Variants in NAA25 observed in about 807,000 individuals in gnomAD.
NAA25 encodes the protein N-alpha-acetyltransferase 25, NatB auxiliary subunit.
A neutral mutation model predicts 132.5 loss-of-function variants in NAA25; 30 were observed. The observed-to-expected ratio is 0.23, with a 90% CI of 0.17 to 0.31. The LOEUF (loss-of-function observed/expected upper bound fraction) is 0.31. NAA25 is among the 10% of genes least tolerant of loss of function. The probability of loss-of-function intolerance (pLI) is 1.00; values close to 1 mark genes in which losing one functional copy is unlikely to be tolerated. For synonymous variants in NAA25, 359 were observed against 401.9 expected (o/e 0.89, Z 1.28); for missense variants, 771 against 1,150.4 (o/e 0.67, Z 4.77).
chr12:112,084,971 C>T (rs2079024225), intron 4 of NAA25, among the ~76,000 whole-genome samples: 2 of 152,042 alleles, frequency 1.3e-5, no homozygotes, highest in African/African-American at 4.8e-5. Flanking sequence ...GTGGCTCACG[C>T]CTGTAATCCC....
At chr12:112,082,719 A>G (rs1444951340) in intron 4 of NAA25, among the ~76,000 whole-genome samples, 1 of 145,084 alleles carries the variant, frequency 6.9e-6, no homozygotes, top group Non-Finnish European at 1.5e-5. Flanking sequence ...CATTATCATT[A>G]AAGCCCCTCC....
chr12:112,053,234 C>G (rs1455137277), intron 15 of NAA25, among the ~76,000 whole-genome samples: 2 of 152,158 alleles, frequency 1.3e-5, no homozygotes, highest in African/African-American at 4.8e-5. Context: ...AGGCTATGAA[C>G]GCTTATGGAC....
At position 112,078,718 on chromosome 12, in the gene NAA25, G is replaced by A; in HGVS notation, c.501C>T (p.Asn167=). 6.2e-7 allele frequency: 1 copy of A among 1,613,466 alleles called. No homozygotes were observed. The highest frequency in any genetic ancestry group is 1.3e-5 in the African/African-American group (1 of 74,972). The stretch of plus-strand genomic sequence containing the variant: ...GGGGCAGAAACATTGTTTTTGAGAG[G>A]TTTTCATCCTGTGCCGATATAGACT... ...IMQSISAQDE[N]LSKTMFLPLA... is the part of the protein sequence containing the mutation. Residue 167 remains asparagine (N), a synonymous_variant, in exon 6 of 24, where the codon AAC becomes AAT. Coordinates refer to ENST00000261745, the MANE Select transcript of NAA25 (RefSeq NM_024953.4).
At chr12:112,042,476 T>G (rs1334870802) in intron 19 of NAA25, among the ~76,000 whole-genome samples, 1 of 151,972 alleles carries the variant, frequency 6.6e-6, no homozygotes, top group Non-Finnish European at 1.5e-5. Context: ...AAAAGAAATC[T>G]CTTCTCTACA....
chr12:112,104,994 G>A (rs1048894744), intron 1 of NAA25, among the ~76,000 whole-genome samples: 5 of 151,678 alleles, frequency 3.3e-5, no homozygotes, highest in African/African-American at 1.2e-4. Flanking sequence ...TCCAGCCTGG[G>A]TGACAGAGCA....
In NAA25 at chr12:112,105,251, G is replaced by A. The variant is rs115735051; in HGVS notation, c.58+3465C>T. Among the ~76,000 whole-genome samples, 404 of 151,704 alleles carry A rather than the reference G, an allele frequency of 2.7e-3. 6 individuals carry two copies. Among genetic ancestry groups the A allele is most frequent in the African/African-American group, 9.6e-3 (395 of 41,354 alleles). ...GATGGATGACTTGAGCCTGGGAAGT[G>A]GAGGTTACAGTGAGCCAAGACACTC... is the stretch of plus-strand genomic sequence containing the variant. On this transcript the variant is annotated intron_variant, in intron 1 of 23. Transcript: ENST00000261745.
At chr12:112,090,937 G>T in intron 2 of NAA25, 73 bp from the exon 3 acceptor site, 1 of 1,420,528 alleles carries the variant, frequency 7.0e-7, no homozygotes, top group Non-Finnish European at 9.7e-7. Context: ...AAGCCGATCT[G>T]AAAGAACAAG....
At chr12:112,082,684 C>T (rs778190244) in intron 4 of NAA25, among the ~76,000 whole-genome samples, 1 of 149,828 alleles carries the variant, frequency 6.7e-6, no homozygotes, top group African/African-American at 2.5e-5. Context: ...CCTCTTCTTT[C>T]TTTAAGGGAA....
Position 112,054,919 on chromosome 12 carries a change from C to T in NAA25, c.1448-351G>A, listed in dbSNP as rs146819435. ...CAGCACCTTGCCCCTGCAGGATTTC[C>T]TCTATAAAACCCCAGACAGATGTTA... On this transcript the variant is annotated intron_variant, in intron 13 of 23. Transcript: ENST00000261745. Among the ~76,000 whole-genome samples, 533 of 152,282 alleles carry T rather than the reference C, an allele frequency of 3.5e-3. 6 individuals are homozygous for T. The highest frequency in any genetic ancestry group is 0.02 in the Middle Eastern group (6 of 294).
chr12:112,090,298 A>G (rs1028264725), intron 3 of NAA25: 8 of 153,792 alleles, frequency 5.2e-5, no homozygotes, highest in African/African-American at 1.9e-4. Flanking sequence ...CCTTTATTTC[A>G]GAAGAAACAA....
In NAA25 at chr12:112,029,468, T is replaced by C; in HGVS notation, c.*63A>G. On this transcript the variant is annotated 3_prime_UTR_variant, in exon 24 of 24. Transcript: ENST00000261745. ...AATCATGGTCAACCAGATGTTGCTT[T>C]TGCCTGGGAAGATGGTGTCATATTC... 6.2e-7 allele frequency: 1 copy of C among 1,605,818 alleles called. No homozygotes were observed. Among genetic ancestry groups the C allele is most frequent in the Non-Finnish European group, 8.5e-7 (1 of 1,176,016 alleles).
chr12:112,106,340 G>C (rs2079361089), intron 1 of NAA25, among the ~76,000 whole-genome samples: 1 of 151,340 alleles, frequency 6.6e-6, no homozygotes, highest in Admixed American at 6.6e-5. Context: ...TGGTCCTCAA[G>C]AACAATTTTA....
chr12:112,052,428 G>A (rs1210299910), intron 15 of NAA25, among the ~76,000 whole-genome samples: 1 of 152,122 alleles, frequency 6.6e-6, no homozygotes, highest in Non-Finnish European at 1.5e-5. Context: ...GCCACTTTGG[G>A]GAGGGGATAC....
intron 13 of NAA25, among the ~76,000 whole-genome samples, chr12:112,055,020 C>T (rs2136841943): frequency 6.6e-6 from 1 of 152,248 alleles, no homozygotes; most frequent in African/African-American, 2.4e-5. Flanking sequence ...AATATTTACT[C>T]AATAATCAAA....
At chr12:112,062,496 G>A (rs1357022017) in intron 11 of NAA25, among the ~76,000 whole-genome samples, 2 of 151,964 alleles carry the variant, frequency 1.3e-5, no homozygotes, top group Non-Finnish European at 1.5e-5. Context: ...AGGCCAAGGC[G>A]GGTGGATTGC....
chr12:112,038,767 G>A (rs2078261685), intron 22 of NAA25, among the ~76,000 whole-genome samples: 1 of 152,102 alleles, frequency 6.6e-6, no homozygotes, highest in Non-Finnish European at 1.5e-5. Flanking sequence ...ATCACTTAAG[G>A]TCAGGAGTTT....
intron 1 of NAA25, among the ~76,000 whole-genome samples, chr12:112,108,138 G>A (rs915823266): frequency 1.3e-5 from 2 of 152,112 alleles, no homozygotes; most frequent in African/African-American, 2.4e-5. Context: ...CAGAGTAGCT[G>A]CTTCTCCACC....
chr12:112,074,415 A>C (rs1206940291), intron 9 of NAA25, among the ~76,000 whole-genome samples: 1 of 151,956 alleles, frequency 6.6e-6, no homozygotes, highest in East Asian at 1.9e-4. Context: ...AATCTCACGG[A>C]AAGGCACCAA....
At chr12:112,105,193 G>A (rs1172200150) in intron 1 of NAA25, among the ~76,000 whole-genome samples, 4 of 151,788 alleles carry the variant, frequency 2.6e-5, no homozygotes, top group African/African-American at 4.8e-5. Flanking sequence ...GGTGGTGCCC[G>A]CCTGCAGTCC....
Sources: allele counts gnomAD v4.1 joint callset (sites outside exome capture counted in the v4.1 genomes callset), GRCh38; gene constraint gnomAD v4.1.1; transcripts MANE v1.5; gene names NCBI Gene and HGNC (gene_info 2026-07-23, HGNC 2026-07-21).